The following WDR27 variants were observed in gnomAD, a reference collection of about 807,000 sequenced individuals.
WDR27 encodes the protein WD repeat domain 27.
Under a neutral mutation model 114.4 loss-of-function variants are expected in WDR27, and 100 were observed. That is an observed-to-expected ratio of 0.87 (90% CI 0.74 to 1.03). The LOEUF (loss-of-function observed/expected upper bound fraction) is 1.03, where lower values mean the gene tolerates loss of function less well. Ranked by LOEUF, WDR27 falls within the 50% of genes least tolerant of loss-of-function variation. The pLI, the probability that WDR27 is intolerant of heterozygous loss-of-function variation, is 0.00. For missense variants in WDR27, 1,129 were observed against 1,092.9 expected, an observed-to-expected ratio of 1.03 and a Z score of -0.47; for synonymous variants, 449 against 423.1, an observed-to-expected ratio of 1.06 and a Z score of -0.75.
intron 25 of WDR27, among the ~76,000 whole-genome samples, chr6:169,458,434 C>A (rs936116888): frequency 7.6e-6 from 1 of 131,574 alleles, no homozygotes; most frequent in African/African-American, 3.5e-5. Flanking sequence ...GGAGTCAGCG[C>A]CCTTGACCCT....
chr6:169,535,713 A>G (rs186157103), intron 25 of WDR27, among the ~76,000 whole-genome samples: 226 of 152,322 alleles, frequency 1.5e-3, no homozygotes, highest in Middle Eastern at 3.4e-3. Flanking sequence ...GGAAAGCTCC[A>G]CTTTCATAAA....
chr6:169,500,895 C>A (rs73789978), intron 25 of WDR27, among the ~76,000 whole-genome samples: 2,731 of 152,326 alleles, frequency 0.018, 83 homozygotes, highest in African/African-American at 0.062. Context: ...GGGCAGGACA[C>A]TTGCACGACC....
chr6:169,596,766 G>C (rs935234064), intron 23 of WDR27, among the ~76,000 whole-genome samples: 1 of 152,092 alleles, frequency 6.6e-6, no homozygotes, highest in Non-Finnish European at 1.5e-5. Flanking sequence ...TCTACATAGA[G>C]AGCTTGCAGA....
chr6:169,654,873 G>A (rs1052844092), intron 13 of WDR27, among the ~76,000 whole-genome samples: 7 of 152,226 alleles, frequency 4.6e-5, no homozygotes, highest in African/African-American at 7.2e-5. Context: ...AGAAGGAAGC[G>A]CGCACAGAGG....
At chr6:169,621,372 G>A (rs371805792) in intron 21 of WDR27, among the ~76,000 whole-genome samples, 2 of 141,116 alleles carry the variant, frequency 1.4e-5, no homozygotes, top group East Asian at 4.3e-4. Flanking sequence ...ACACATGCAT[G>A]CATGTAGACA....
At chr6:169,567,643 C>T (rs1247291941) in intron 25 of WDR27, among the ~76,000 whole-genome samples, 2 of 152,166 alleles carry the variant, frequency 1.3e-5, no homozygotes, top group Non-Finnish European at 2.9e-5. Flanking sequence ...GTGTGGCCCA[C>T]ACCTGTGCCA....
chr6:169,687,000 A>C (rs1432559407), intron 2 of WDR27, among the ~76,000 whole-genome samples: 1 of 152,116 alleles, frequency 6.6e-6, no homozygotes, highest in African/African-American at 2.4e-5. Flanking sequence ...GGAATTGGGG[A>C]GAGTGAAAAG....
At chr6:169,541,904 C>G (rs527784486) in intron 25 of WDR27, among the ~76,000 whole-genome samples, 2 of 152,222 alleles carry the variant, frequency 1.3e-5, no homozygotes, top group South Asian at 4.2e-4. Context: ...TAGGTGTTCT[C>G]CTCCTCTAGA....
At position 169,519,393 on chromosome 6, in the gene WDR27, G is replaced by C. The variant is rs1794075827; in HGVS notation, c.2645+53026C>G. Among the ~76,000 whole-genome samples the C allele has an allele frequency of 3.3e-5, 5 of 152,158 alleles. No homozygotes were observed. In the South Asian group the frequency reaches 8.3e-4, roughly 25 times the overall value. On this transcript the variant is annotated intron_variant, in intron 25 of 25. Coordinates refer to ENST00000448612, the MANE Select transcript of WDR27 (RefSeq NM_182552.5). ...GTTTAATTGGCTCACAATTCTGCAG[G>C]ATATACAGGAAGCATGGCACTATCA...
At chr6:169,517,686 T>A (rs1457037152) in intron 25 of WDR27, among the ~76,000 whole-genome samples, 1 of 152,214 alleles carries the variant, frequency 6.6e-6, no homozygotes, top group East Asian at 1.9e-4. Context: ...TTTGTTTATA[T>A]TGGAATGCCT....
intron 25 of WDR27, among the ~76,000 whole-genome samples, chr6:169,547,942 CAG>C (rs1797662954): frequency 6.7e-6 from 1 of 149,960 alleles, no homozygotes; most frequent in African/African-American, 2.4e-5. Context: ...CTGGAACAAA[CAG>C]TGATTTTAGC....
chr6:169,465,060 A>G lies in WDR27; in HGVS notation c.2646-7426T>C, dbSNP rs548929523. ...GATCACCTGAGGTCAGGAGTTCAAG[A>G]GCAGCCTGACCAACATGGTGAAACC... On this transcript the variant is annotated intron_variant, in intron 25 of 25. Transcript: ENST00000448612. Among the ~76,000 whole-genome samples, 414 of 151,896 alleles carry G rather than the reference A, an allele frequency of 2.7e-3. 4 individuals are homozygous for G. Among genetic ancestry groups the G allele is most frequent in the Admixed American group, 3.1e-3 (47 of 15,274 alleles).
chr6:169,466,187 T>C (rs1284456031), intron 25 of WDR27, among the ~76,000 whole-genome samples: 2 of 152,272 alleles, frequency 1.3e-5, no homozygotes, highest in East Asian at 3.9e-4. Context: ...TTGGTTAGGA[T>C]AAAAAATGAG....
chr6:169,669,957 G>C, intron 4 of WDR27: 1 of 152,044 alleles, frequency 6.6e-6, no homozygotes, highest in African/African-American at 2.4e-5. Context: ...CAACAGCTTT[G>C]TGAGCCATGT....
chr6:169,437,344 G>A, the WDR27 span, among the ~76,000 whole-genome samples: 2 of 152,134 alleles, frequency 1.3e-5, no homozygotes, highest in Non-Finnish European at 2.9e-5. Flanking sequence ...AAATAGCAAG[G>A]TTTTCTCAGA....
At chr6:169,515,736 T>C (rs1282684124) in intron 25 of WDR27, among the ~76,000 whole-genome samples, 1 of 150,612 alleles carries the variant, frequency 6.6e-6, no homozygotes, top group East Asian at 1.9e-4. Context: ...TAAATAAGCA[T>C]ATATTTTATT....
At chr6:169,539,552 T>A (rs772860948) in intron 25 of WDR27, among the ~76,000 whole-genome samples, 1 of 152,178 alleles carries the variant, frequency 6.6e-6, no homozygotes, top group Non-Finnish European at 1.5e-5. Flanking sequence ...ATAACATGAT[T>A]CACATCTGAA....
intron 25 of WDR27, among the ~76,000 whole-genome samples, chr6:169,552,933 C>T (rs138929493): frequency 0.012 from 1,742 of 150,788 alleles, 28 homozygotes; most frequent in Non-Finnish European, 0.015. Context: ...CTAAGCGCGG[C>T]TCGCACGCGC....
At chr6:169,523,533 A>C (rs1280887907) in intron 25 of WDR27, among the ~76,000 whole-genome samples, 1 of 152,150 alleles carries the variant, frequency 6.6e-6, no homozygotes, top group African/African-American at 2.4e-5. Flanking sequence ...AGATGTGAAA[A>C]TCCTCAGCAA....
Sources: gnomAD v4.1 joint callset for allele counts (sites outside exome capture counted in the v4.1 genomes callset) on GRCh38, gnomAD v4.1.1 for gene constraint, MANE v1.5 for transcripts, NCBI Gene and HGNC (gene_info 2026-07-23, HGNC 2026-07-21) for gene names.